FBF1: variants seen among roughly 807,000 people sequenced by gnomAD.
The protein encoded by FBF1 is Fas binding factor 1, also known as fas-binding factor 1.
Under a neutral mutation model 147.2 loss-of-function variants are expected in FBF1, and 119 were observed. That is an observed-to-expected ratio of 0.81 (90% CI 0.70 to 0.94). The LOEUF is 0.94. Among genes scored for constraint, FBF1 ranks in the 40% least tolerant of loss-of-function variants. The probability of loss-of-function intolerance (pLI) is 0.00; values close to 1 mark genes in which losing one functional copy is unlikely to be tolerated. For synonymous variants in FBF1, 601 were observed against 609.0 expected (o/e 0.99, Z 0.19); for missense variants, 1,449 against 1,500.8 (o/e 0.97, Z 0.57).
chr17:75,914,502 G>A (rs1308914038), intron 25 of FBF1: 1 of 915,000 alleles, frequency 1.1e-6, no homozygotes, highest in East Asian at 2.7e-5. Context: ...CAACTCTGAA[G>A]TTCGGTTTCC....
intron 6 of FBF1, among the ~76,000 whole-genome samples, chr17:75,930,933 A>G (rs1329610603): frequency 2.0e-5 from 3 of 152,106 alleles, no homozygotes; most frequent in East Asian, 3.9e-4. Flanking sequence ...AACAAAAACA[A>G]CAACAACAAA....
At chr17:75,917,675 C>T (rs1411792384) in intron 23 of FBF1, 57 bp downstream of exon 23, 7 of 1,475,680 alleles carry the variant, frequency 4.7e-6, no homozygotes, top group Admixed American at 4.0e-5. Flanking sequence ...TTGCGGGTGC[C>T]CTGGAGAAGA....
At chr17:75,915,618 A>G (rs1310962589) in intron 23 of FBF1, among the ~76,000 whole-genome samples, 1 of 152,214 alleles carries the variant, frequency 6.6e-6, no homozygotes, top group East Asian at 1.9e-4. Context: ...TCACAACATA[A>G]AAGCATCTCT....
chr17:75,926,665 GGA>G, intron 10 of FBF1, 91 bp downstream of exon 10: 2 of 1,525,932 alleles, frequency 1.3e-6, no homozygotes, highest in Non-Finnish European at 1.8e-6. Context: ...TCCCCACCTG[GGA>G]GAGGCCTCTG....
At chr17:75,937,927 G>T in intron 2 of FBF1, 1 of 663,462 alleles carries the variant, frequency 1.5e-6, no homozygotes, top group Non-Finnish European at 2.6e-6. Context: ...ACCAGTGACA[G>T]ACACTTAAAA....
At chr17:75,926,525 A>G (rs997415425) in intron 10 of FBF1, 99 bp from the exon 11 acceptor site, 40 of 1,445,942 alleles carry the variant, frequency 2.8e-5, no homozygotes, top group Non-Finnish European at 3.5e-5. Context: ...TTTGGGTAGG[A>G]CGACAGGCTT....
chr17:75,914,021 C>T lies in FBF1; in HGVS notation c.3021G>A (p.Glu1007=), dbSNP rs1026169521. ...KVASEKYEEG[E]RALREAQQVQ... is the part of the protein sequence containing the mutation. ...CCTGCTGGGCCTCGCGCAATGCCCG[C>T]TCCCCCTCCTCGTACTTCTCGGAGG... Residue 1007 remains glutamate, a synonymous_variant, in exon 27 of 30, where the codon GAG becomes GAA. Transcript: ENST00000636174. The T allele has an allele frequency of 2.5e-6, 4 of 1,585,490 alleles. No individual in the cohort carries two copies. The highest frequency in any genetic ancestry group is 2.6e-6 in the Non-Finnish European group (3 of 1,173,286).
In FBF1 at chr17:75,918,567, G is replaced by A. The variant is rs1353039737; in HGVS notation, c.2139-298C>T. 1.3e-5 allele frequency among the ~76,000 whole-genome samples: 2 copies of A among 151,740 alleles called. No homozygotes were observed. The highest frequency in any genetic ancestry group is 6.6e-5 in the Admixed American group (1 of 15,240). On this transcript the variant is annotated intron_variant, in intron 20 of 29. Transcript: ENST00000636174. The surrounding 1 kb of genome is among the most constrained non-coding windows in gnomAD (Gnocchi z 5.8). ...GGCTGGAGTTCAGTGGCATGATCTC[G>A]GCTCACTGCAACCTCTGCCTCCTGG...
At position 75,932,472 on chromosome 17, in the gene FBF1, C is replaced by T. The variant is rs570700924; in HGVS notation, c.167+523G>A. 7.2e-5 allele frequency among the ~76,000 whole-genome samples: 11 copies of T among 152,280 alleles called. No individual in the cohort carries two copies. In the South Asian group the frequency reaches 2.3e-3, roughly 32 times the overall value. On this transcript the variant is annotated intron_variant, in intron 5 of 29. Transcript: ENST00000636174. ...AACTGACATTAGAAGTGAGCACGGC[C>T]AGGTGCGAGTGACTCACACCTGTAA...
intron 5 of FBF1, 65 bp from the exon 6 acceptor site, chr17:75,931,354 G>A (rs1567863471): frequency 6.9e-7 from 1 of 1,449,366 alleles, no homozygotes. Flanking sequence ...AAAAAGGGGA[G>A]GAGTAGCTTA....
chr17:75,914,697 G>A, intron 25 of FBF1, 50 bp downstream of exon 25: 1 of 1,471,390 alleles, frequency 6.8e-7, no homozygotes, highest in Non-Finnish European at 9.0e-7. Context: ...CCAGATGGAG[G>A]GGCGCAGGCA....
At position 75,932,985 on chromosome 17, in the gene FBF1, C is replaced by T. The variant is rs1289247345; in HGVS notation, c.167+10G>A. ...TAGGTCATGGATACCCAGTCGGACCCTGCCCTTACTTTGTTCTCGCCTTTG... is the reference window on the plus strand; with the variant it reads ...TAGGTCATGGATACCCAGTCGGACCTTGCCCTTACTTTGTTCTCGCCTTTG... On this transcript the variant is annotated intron_variant, in intron 5 of 29. Coordinates refer to ENST00000636174, the MANE Select transcript of FBF1 (RefSeq NM_001319193.2). The T allele has an allele frequency of 1.3e-6, 2 of 1,587,472 alleles. No individual in the cohort carries two copies. The highest frequency in any genetic ancestry group is 1.7e-5 in the Admixed American group (1 of 59,540).
chr17:75,918,354 T>A lies in FBF1; in HGVS notation c.2139-85A>T. On this transcript the variant is annotated intron_variant, in intron 20 of 29. Coordinates refer to ENST00000636174, the MANE Select transcript of FBF1 (RefSeq NM_001319193.2). The surrounding 1 kb of genome is among the most constrained non-coding windows in gnomAD (Gnocchi z 5.8). ...CTCCTTGTGGAAGGGTGTGTTTCCG[T>A]GCAGCCCTTGCTCCCAGGCCTCTCC... is the stretch of plus-strand genomic sequence containing the variant. The A allele has an allele frequency of 1.8e-6, 2 of 1,137,686 alleles. No individual in the cohort carries two copies. Among genetic ancestry groups the A allele is most frequent in the Non-Finnish European group, 1.3e-6 (1 of 795,200 alleles). The allele number at this position is 1,137,686 out of a possible 1,614,324, so 70.5% of individuals were successfully genotyped here. A position where few individuals can be genotyped will look rare whatever the true frequency, so the allele number is the denominator to read the frequency against.
At chr17:75,939,317 A>G (rs78054065) in intron 1 of FBF1, among the ~76,000 whole-genome samples, 1 of 140,698 alleles carries the variant, frequency 7.1e-6, no homozygotes, top group African/African-American at 2.8e-5. Flanking sequence ...AAAAAAAAAA[A>G]CGTGCTCTGG....
intron 25 of FBF1, 91 bp from the exon 26 acceptor site, chr17:75,914,389 C>A: frequency 1.4e-6 from 2 of 1,471,710 alleles, no homozygotes; most frequent in Non-Finnish European, 1.8e-6. Context: ...CCCACCCTGC[C>A]CCTGGGAGGA....
intron 7 of FBF1, 52 bp downstream of exon 7, chr17:75,929,945 A>AGGGGGCCCCCCC: frequency 4.6e-6 from 3 of 650,860 alleles, no homozygotes; most frequent in East Asian, 5.6e-5. Flanking sequence ...AAATATCATG[A>AGGGGGCCCCCCC]CCCCACCCCA....
In FBF1 at chr17:75,922,415, C is replaced by T. The variant is rs1236718898; in HGVS notation, c.1425-369G>A. On this transcript the variant is annotated intron_variant, in intron 14 of 29. Transcript: ENST00000636174. The surrounding 1 kb of genome is among the most constrained non-coding windows in gnomAD (Gnocchi z 5.0). ...CTCAGTCTACCAAATCTGGCTGGCT[C>T]CCTTTCCCATTATTTCCACCTCTTT... 6.6e-6 allele frequency among the ~76,000 whole-genome samples: 1 copy of T among 152,200 alleles called. No individual in the cohort carries two copies. Among genetic ancestry groups the T allele is most frequent in the East Asian group, 1.9e-4 (1 of 5,206 alleles).
At chr17:75,938,049 G>T (rs2608882) in intron 2 of FBF1, 98 bp downstream of exon 2, 2 of 1,555,956 alleles carry the variant, frequency 1.3e-6, no homozygotes, top group Non-Finnish European at 1.7e-6. Context: ...GGTCCTTGCC[G>T]CCCAGCCCCC....
rs748082925 is a variant in FBF1, at chr17:75,913,944, C to T, written c.3098G>A (p.Arg1033Gln). Residue 1033 changes from arginine to glutamine, a missense_variant, in exon 27 of 30, where the codon CGG becomes CAG. Arg to Gln is a conservative substitution (Grantham distance 43, BLOSUM62 1). Coordinates refer to ENST00000636174, the MANE Select transcript of FBF1 (RefSeq NM_001319193.2). The stretch of plus-strand genomic sequence containing the variant: ...CATGTGCTGCTCCTGCTTCCGCAGC[C>T]GCTCCTGCTGTTGCTGCACCGCCTG... ...RLQAVQQQQE[R>Q]LRKQEQHMHQ... 14 of 1,549,608 alleles carry T rather than the reference C, an allele frequency of 9.0e-6. No individual in the cohort carries two copies. Among genetic ancestry groups the T allele is most frequent in the South Asian group, 1.2e-5 (1 of 84,892 alleles).
Sources: allele counts gnomAD v4.1 joint callset (sites outside exome capture counted in the v4.1 genomes callset), GRCh38; gene constraint gnomAD v4.1.1; non-coding constraint Gnocchi (gnomAD v3.1); transcripts MANE v1.5; gene names NCBI Gene and HGNC (gene_info 2026-07-23, HGNC 2026-07-21).